MALRD1: variants seen among roughly 807,000 people sequenced by gnomAD.
The protein encoded by MALRD1 is MAM and LDL receptor class A domain containing 1.
In MALRD1, 247 loss-of-function variants were observed where a neutral mutation model predicts 242.1. The observed-to-expected ratio is 1.02, with a 90% confidence interval of 0.92 to 1.13. The LOEUF is 1.13. MALRD1 is among the 50% of genes most tolerant of loss of function. The pLI is 0.00. For missense variants in MALRD1, 2,989 were observed against 2,533.1 expected, an observed-to-expected ratio of 1.18 and a Z score of -3.86; for synonymous variants, 995 against 866.6, an observed-to-expected ratio of 1.15 and a Z score of -2.60.
intron 34 of MALRD1, 62 bp from the exon 35 acceptor site, chr10:19,607,715 A>T: frequency 6.6e-7 from 1 of 1,511,308 alleles, no homozygotes; most frequent in South Asian, 1.3e-5. Context: ...TGTTGTGAGA[A>T]TTCATTGGGA....
intron 32 of MALRD1, among the ~76,000 whole-genome samples, chr10:19,543,632 A>G (rs1411112787): frequency 1.3e-5 from 2 of 151,742 alleles, no homozygotes; most frequent in Non-Finnish European, 2.9e-5. Context: ...TGTCCCAACC[A>G]TCTATAAATT....
At chr10:19,495,031 A>C (rs7093534) in intron 30 of MALRD1, among the ~76,000 whole-genome samples, 30,159 of 151,006 alleles carry the variant, frequency 0.2, 5,563 homozygotes, top group African/African-American at 0.5. Flanking sequence ...GGTTGGAGTG[A>C]AGTGGCATAA....
Position 19,375,960 on chromosome 10 carries a change from A to G in MALRD1, c.4442-11568A>G, listed in dbSNP as rs150035922. On this transcript the variant is annotated intron_variant, in intron 26 of 39. Transcript: ENST00000454679. ...AGTGTGGTGAAACCATGTCTCTACT[A>G]AAAATACAAAAATTTGCTGGGCGTG... Among the ~76,000 whole-genome samples the G allele has an allele frequency of 1.9e-3, 292 of 152,252 alleles. 3 individuals carry two copies. In the East Asian group the frequency reaches 0.042, roughly 22 times the overall value.
chr10:19,439,344 A>G (rs1344097116), intron 28 of MALRD1, among the ~76,000 whole-genome samples: 2 of 152,070 alleles, frequency 1.3e-5, no homozygotes, highest in African/African-American at 2.4e-5. Flanking sequence ...CAGCCTGGGC[A>G]ACATAGTAAG....
chr10:19,650,172 A>C (rs1293297724), intron 36 of MALRD1, among the ~76,000 whole-genome samples: 1 of 152,240 alleles, frequency 6.6e-6, no homozygotes. Context: ...AGCAGATTAC[A>C]GATGGCAGAA....
intron 24 of MALRD1, among the ~76,000 whole-genome samples, chr10:19,342,808 T>C (rs1843942293): frequency 6.6e-6 from 1 of 152,022 alleles, no homozygotes; most frequent in African/African-American, 2.4e-5. Context: ...TCATTGTCTT[T>C]CCAAAATTAC....
chr10:19,674,101 A>G (rs1186392560), intron 36 of MALRD1, among the ~76,000 whole-genome samples: 2 of 152,160 alleles, frequency 1.3e-5, no homozygotes, highest in East Asian at 3.9e-4. Flanking sequence ...CCTCAATTCC[A>G]TGAAAGCGCA....
At chr10:19,202,480 T>C (rs1277756388) in intron 14 of MALRD1, among the ~76,000 whole-genome samples, 1 of 152,216 alleles carries the variant, frequency 6.6e-6, no homozygotes, top group Non-Finnish European at 1.5e-5. Context: ...TGGGTTAAAA[T>C]GCTCTTACAA....
intron 29 of MALRD1, among the ~76,000 whole-genome samples, chr10:19,469,572 A>G (rs1047968793): frequency 2.0e-5 from 3 of 152,138 alleles, no homozygotes; most frequent in African/African-American, 4.8e-5. Flanking sequence ...TTCCTAAAAT[A>G]AGTAAGAATT....
chr10:19,368,373 C>T (rs964773721), intron 26 of MALRD1, among the ~76,000 whole-genome samples: 2 of 152,086 alleles, frequency 1.3e-5, no homozygotes, highest in African/African-American at 2.4e-5. Flanking sequence ...TTTGAAGACA[C>T]TGTCCTTTCT....
At chr10:19,162,648 A>G (rs1231908012) in intron 12 of MALRD1, among the ~76,000 whole-genome samples, 1 of 152,214 alleles carries the variant, frequency 6.6e-6, no homozygotes, top group Non-Finnish European at 1.5e-5. Context: ...GGCCATTATT[A>G]AAATGTCAAA....
At chr10:19,049,827 A>G (rs981372767) in intron 1 of MALRD1, among the ~76,000 whole-genome samples, 2 of 152,238 alleles carry the variant, frequency 1.3e-5, no homozygotes, top group Non-Finnish European at 1.5e-5. Context: ...AGGAACAGGA[A>G]GAAGCTTACC....
chr10:19,165,265 A>ATATATATATATATATATATATTTTTT, intron 12 of MALRD1, among the ~76,000 whole-genome samples: 2 of 130,286 alleles, frequency 1.5e-5, no homozygotes, highest in African/African-American at 6.5e-5. Flanking sequence ...ATATATATAT[A>ATATATATATATATATATATATTTTTT]TTTTGTTTTG....
chr10:19,163,324 A>T (rs914312895), intron 12 of MALRD1, among the ~76,000 whole-genome samples: 2 of 152,042 alleles, frequency 1.3e-5, no homozygotes, highest in African/African-American at 4.8e-5. Flanking sequence ...GCAGCCATAA[A>T]AAAAGAACAA....
At chr10:19,390,282 A>G (rs1846283276) in intron 28 of MALRD1, among the ~76,000 whole-genome samples, 1 of 152,218 alleles carries the variant, frequency 6.6e-6, no homozygotes, top group South Asian at 2.1e-4. Flanking sequence ...CTCACAGATG[A>G]GCAATCATTA....
chr10:19,142,785 A>AT (rs1232978639), intron 10 of MALRD1, among the ~76,000 whole-genome samples: 1 of 152,226 alleles, frequency 6.6e-6, no homozygotes, highest in African/African-American at 2.4e-5. Context: ...ACATTTAATA[A>AT]TTGCCAGAAT....
chr10:19,622,418 A>G (rs1241786914), intron 36 of MALRD1, among the ~76,000 whole-genome samples: 1 of 151,770 alleles, frequency 6.6e-6, no homozygotes, highest in East Asian at 1.9e-4. Flanking sequence ...TTAATAAAAT[A>G]AAAGCAAATC....
chr10:19,338,552 C>T (rs1187560984), intron 24 of MALRD1, among the ~76,000 whole-genome samples: 3 of 152,020 alleles, frequency 2.0e-5, no homozygotes, highest in Non-Finnish European at 4.4e-5. Context: ...TCACCTCCCA[C>T]CAGGTCCCTC....
chr10:19,584,478 A>G (rs930405076), intron 33 of MALRD1, among the ~76,000 whole-genome samples: 1 of 152,004 alleles, frequency 6.6e-6, no homozygotes, highest in Admixed American at 6.6e-5. Context: ...TCATTTCGTT[A>G]TGTACCCAGT....
Sources: allele counts gnomAD v4.1 joint callset (sites outside exome capture counted in the v4.1 genomes callset), GRCh38; gene constraint gnomAD v4.1.1; transcripts MANE v1.5; gene names NCBI Gene and HGNC (gene_info 2026-07-23, HGNC 2026-07-21).